The following JARID2 variants were observed in gnomAD, a reference collection of about 807,000 sequenced individuals.
JARID2 encodes protein Jumonji.
A neutral mutation model predicts 125.6 loss-of-function variants in JARID2; 21 were observed. The observed-to-expected ratio is 0.17, with a 90% CI of 0.12 to 0.24. The LOEUF is 0.24. Ranked by LOEUF, JARID2 falls within the 10% of genes least tolerant of loss-of-function variation. The pLI, the probability that JARID2 is intolerant of heterozygous loss-of-function variation, is 1.00. For missense variants in JARID2, 1,303 were observed against 1,639.6 expected (o/e 0.79, Z 3.55); for synonymous variants, 736 against 661.6 (o/e 1.11, Z -1.73).
In JARID2 at chr6:15,496,870, G is replaced by T. The variant is rs771140450; in HGVS notation, c.1645G>T (p.Ala549Ser). The T allele has an allele frequency of 6.2e-6, 10 of 1,600,864 alleles. No individual in the cohort carries two copies. In the Admixed American group the frequency reaches 1.5e-4, roughly 24 times the overall value. Residue 549 changes from alanine (A) to serine (S), a missense_variant, in exon 7 of 18, where the codon GCC (alanine) becomes TCC (serine). Physicochemically the swap from Ala to Ser is moderately conservative, Grantham distance 99. Coordinates refer to ENST00000341776, the MANE Select transcript of JARID2 (RefSeq NM_004973.4). ...CAAGGCCGAGAAGGGCGGCGGCAAG[G>T]CCGGGTGGGCGGCCATGGACGAGAT... is the stretch of plus-strand genomic sequence containing the variant. ...SGKAEKGGGK[A>S]GWAAMDEIPV...
At chr6:15,517,068 G>T in intron 16 of JARID2, 93 bp from the exon 17 acceptor site, 1 of 874,648 alleles carries the variant, frequency 1.1e-6, no homozygotes, top group East Asian at 2.4e-5. Flanking sequence ...CAGTGGGTGT[G>T]GTGGCTGCCC....
chr6:15,328,180 G>A (rs74563539), intron 1 of JARID2, among the ~76,000 whole-genome samples: 5 of 152,200 alleles, frequency 3.3e-5, no homozygotes, highest in African/African-American at 2.4e-5. Flanking sequence ...GGGCTTTCCA[G>A]GACCTCTTCT....
At chr6:15,417,707 A>G (rs190001547) in intron 3 of JARID2, among the ~76,000 whole-genome samples, 71 of 152,208 alleles carry the variant, frequency 4.7e-4, no homozygotes, top group African/African-American at 1.6e-3. Context: ...GTGCCATCAC[A>G]CTCCATCCTG....
chr6:15,517,012 A>G (rs1771593467), intron 16 of JARID2, 149 bp from the exon 17 acceptor site: 4 of 620,644 alleles, frequency 6.4e-6, no homozygotes, highest in Non-Finnish European at 1.2e-5. Context: ...CCAGTCCTCA[A>G]AGCCCTTGGC....
At chr6:15,460,641 A>G (rs1768399896) in intron 4 of JARID2, among the ~76,000 whole-genome samples, 1 of 152,136 alleles carries the variant, frequency 6.6e-6, no homozygotes, top group Non-Finnish European at 1.5e-5. Context: ...CATGATTCGC[A>G]CAAAGACTGT....
At chr6:15,285,072 A>G (rs941313173) in intron 1 of JARID2, among the ~76,000 whole-genome samples, 1 of 149,136 alleles carries the variant, frequency 6.7e-6, no homozygotes, top group African/African-American at 2.5e-5. Context: ...AATTGCATTG[A>G]ATTGAACTTT....
intron 5 of JARID2, among the ~76,000 whole-genome samples, chr6:15,472,833 T>C (rs575983335): frequency 6.6e-6 from 1 of 152,384 alleles, no homozygotes; most frequent in Non-Finnish European, 1.5e-5. Flanking sequence ...CATGTCCCTC[T>C]GCAATTTAAT....
At chr6:15,339,801 G>A (rs1561801974) in intron 1 of JARID2, among the ~76,000 whole-genome samples, 1 of 152,002 alleles carries the variant, frequency 6.6e-6, no homozygotes, top group Non-Finnish European at 1.5e-5. Context: ...TCCCAAAGTG[G>A]TGGGATTACA....
At chr6:15,360,072 G>T (rs560081210) in intron 1 of JARID2, among the ~76,000 whole-genome samples, 2 of 152,136 alleles carry the variant, frequency 1.3e-5, no homozygotes, top group Non-Finnish European at 2.9e-5. Flanking sequence ...GATGTCAAAT[G>T]TAGATTTTCA....
chr6:15,486,395 C>T (rs777249112), intron 5 of JARID2, among the ~76,000 whole-genome samples: 1 of 152,226 alleles, frequency 6.6e-6, no homozygotes, highest in Non-Finnish European at 1.5e-5. Context: ...ACCATGCTCA[C>T]TGGAAATTCT....
At chr6:15,517,074 T>G in intron 16 of JARID2, 87 bp from the exon 17 acceptor site, 1 of 946,506 alleles carries the variant, frequency 1.1e-6, no homozygotes, top group Non-Finnish European at 1.7e-6. Context: ...GTGTGGTGGC[T>G]GCCCGGCCGG....
At chr6:15,432,850 G>A (rs570757404) in intron 3 of JARID2, among the ~76,000 whole-genome samples, 1 of 152,298 alleles carries the variant, frequency 6.6e-6, no homozygotes, top group Admixed American at 6.5e-5. Context: ...GAGCCTCTCT[G>A]TTTCCTTGTC....
intron 3 of JARID2, among the ~76,000 whole-genome samples, chr6:15,427,606 T>G (rs1037430785): frequency 3.9e-5 from 6 of 152,092 alleles, no homozygotes; most frequent in Non-Finnish European, 5.9e-5. Context: ...TTTTGTCTCA[T>G]CCCTTTGCCC....
chr6:15,428,582 C>T (rs914567973), intron 3 of JARID2, among the ~76,000 whole-genome samples: 1 of 152,042 alleles, frequency 6.6e-6, no homozygotes, highest in Admixed American at 6.6e-5. Flanking sequence ...CATCCATGTC[C>T]CTACAAAGGA....
intron 3 of JARID2, among the ~76,000 whole-genome samples, chr6:15,446,866 A>G (rs1767691560): frequency 6.6e-6 from 1 of 152,174 alleles, no homozygotes; most frequent in African/African-American, 2.4e-5. Flanking sequence ...GTGGCGTGGC[A>G]TGACAGAGAC....
chr6:15,423,105 TC>T (rs1766574131), intron 3 of JARID2, among the ~76,000 whole-genome samples: 1 of 151,820 alleles, frequency 6.6e-6, no homozygotes, highest in South Asian at 2.1e-4. Context: ...GTGCAAGTGA[TC>T]CTCCTGTCTC....
At chr6:15,261,949 T>A (rs913213068) in intron 1 of JARID2, among the ~76,000 whole-genome samples, 1 of 151,652 alleles carries the variant, frequency 6.6e-6, no homozygotes, top group Non-Finnish European at 1.5e-5. Context: ...CCCGGCTAAT[T>A]TTTTGTATTT....
chr6:15,466,724 C>T (rs939742505), intron 4 of JARID2, among the ~76,000 whole-genome samples: 1 of 152,152 alleles, frequency 6.6e-6, no homozygotes, highest in African/African-American at 2.4e-5. Flanking sequence ...CTCCTGTTTT[C>T]CTTGTCAGTC....
chr6:15,272,529 T>C (rs1760337530), intron 1 of JARID2, among the ~76,000 whole-genome samples: 1 of 152,248 alleles, frequency 6.6e-6, no homozygotes, highest in South Asian at 2.1e-4. Flanking sequence ...GCATTTTACG[T>C]ATTCACTTCT....
Sources: allele counts gnomAD v4.1 joint callset (sites outside exome capture counted in the v4.1 genomes callset), GRCh38; gene constraint gnomAD v4.1.1; transcripts MANE v1.5; gene names NCBI Gene and HGNC (gene_info 2026-07-23, HGNC 2026-07-21).